The following ACACB variants were observed in gnomAD, a reference collection of about 807,000 sequenced individuals.
ACACB encodes acetyl-CoA carboxylase 2.
ACACB carries 209 observed loss-of-function variants against 278.8 expected under a neutral mutation model. That is an observed-to-expected ratio of 0.75 (90% CI 0.67 to 0.84). The LOEUF is 0.84. Among genes scored for constraint, ACACB ranks in the 40% least tolerant of loss-of-function variants. The probability of loss-of-function intolerance (pLI) is 0.00; values close to 1 mark genes in which losing one functional copy is unlikely to be tolerated. For synonymous variants in ACACB, 1,174 were observed against 1,285.6 expected, an observed-to-expected ratio of 0.91 and a Z score of 1.86; for missense variants, 2,850 against 3,269.0, an observed-to-expected ratio of 0.87 and a Z score of 3.13.
chr12:109,144,904 GGCACAT>G (rs1402444121), intron 2 of ACACB, among the ~76,000 whole-genome samples: 1 of 151,824 alleles, frequency 6.6e-6, no homozygotes, highest in Non-Finnish European at 1.5e-5. Flanking sequence ...TGGGACTACA[GGCACAT>G]GCCACCATGC....
intron 2 of ACACB, among the ~76,000 whole-genome samples, chr12:109,147,391 C>CTTTTTTTTTT (rs34959945): frequency 1.3e-4 from 15 of 116,198 alleles, no homozygotes; most frequent in East Asian, 2.7e-4. Flanking sequence ...TGTCTGGCTA[C>CTTTTTTTTTT]TTTTTTTTTT....
chr12:109,205,963 A>G lies in ACACB; in HGVS notation c.2914-747A>G, dbSNP rs377298400. Among the ~76,000 whole-genome samples, 5 of 151,934 alleles carry G rather than the reference A, an allele frequency of 3.3e-5. No individual in the cohort carries two copies. In the East Asian group the frequency reaches 7.7e-4, roughly 23 times the overall value. Reference sequence around the variant, plus strand: ...TGTGTTGCCCTCTAGGGAGCTTTTTATTTTTCCATGTGTTTACCTAAGACT... The same window carrying G: ...TGTGTTGCCCTCTAGGGAGCTTTTTGTTTTTCCATGTGTTTACCTAAGACT... On this transcript the variant is annotated intron_variant, in intron 19 of 52. Transcript: ENST00000338432.
chr12:109,251,800 C>T (rs2047102198), intron 41 of ACACB, among the ~76,000 whole-genome samples: 1 of 152,194 alleles, frequency 6.6e-6, no homozygotes, highest in South Asian at 2.1e-4. Context: ...CTGAAACATT[C>T]ACTGTCTGCT....
chr12:109,252,881 A>G (rs1034733809), intron 42 of ACACB, 134 bp from the exon 43 acceptor site: 4 of 825,258 alleles, frequency 4.8e-6, no homozygotes, highest in South Asian at 7.7e-5. Context: ...ATGTAGCCTG[A>G]GCATCAGGAT....
intron 27 of ACACB, among the ~76,000 whole-genome samples, chr12:109,224,463 GTCT>G (rs1357055218): frequency 6.6e-6 from 1 of 151,692 alleles, no homozygotes; most frequent in Admixed American, 6.6e-5. Flanking sequence ...AAGAATTCAG[GTCT>G]TCTTGAATTC....
chr12:109,239,790 AC>A (rs1269506614), intron 34 of ACACB, 39 bp from the exon 35 acceptor site: 1 of 1,561,098 alleles, frequency 6.4e-7, no homozygotes, highest in Non-Finnish European at 8.7e-7. Flanking sequence ...GTAGGCCTGC[AC>A]CCCTGGCCTG....
intron 2 of ACACB, among the ~76,000 whole-genome samples, chr12:109,157,791 A>T (rs983223999): frequency 6.6e-6 from 1 of 152,218 alleles, no homozygotes; most frequent in African/African-American, 2.4e-5. Flanking sequence ...CTGATTTTTC[A>T]TGGCATGAGA....
chr12:109,178,786 G>A (rs1346843556), intron 9 of ACACB, among the ~76,000 whole-genome samples: 1 of 152,164 alleles, frequency 6.6e-6, no homozygotes, highest in African/African-American at 2.4e-5. Context: ...GCTGGAGGAG[G>A]GGCTGTGAGG....
chr12:109,194,911 TG>T (rs2045060125), intron 16 of ACACB, among the ~76,000 whole-genome samples: 1 of 152,140 alleles, frequency 6.6e-6, no homozygotes. Flanking sequence ...GCTCTGAGGC[TG>T]GTTTTGTTCT....
intron 21 of ACACB, among the ~76,000 whole-genome samples, chr12:109,210,637 G>A (rs183893049): frequency 6.6e-5 from 10 of 150,584 alleles, no homozygotes; most frequent in African/African-American, 2.2e-4. Context: ...TACTGAGGTC[G>A]GGTGCATTGG....
intron 1 of ACACB, among the ~76,000 whole-genome samples, chr12:109,137,941 C>A (rs948736529): frequency 6.6e-6 from 1 of 151,786 alleles, no homozygotes; most frequent in Middle Eastern, 3.4e-3. Flanking sequence ...CTCTGTTGCC[C>A]GGGCTGGAAT....
At chr12:109,232,112 C>T (rs971968033) in intron 28 of ACACB, among the ~76,000 whole-genome samples, 3 of 152,218 alleles carry the variant, frequency 2.0e-5, no homozygotes, top group African/African-American at 7.2e-5. Flanking sequence ...TTACCCCTCC[C>T]GTATCTGATT....
At chr12:109,194,120 C>G (rs1223510769) in intron 16 of ACACB, among the ~76,000 whole-genome samples, 1 of 152,156 alleles carries the variant, frequency 6.6e-6, no homozygotes, top group Non-Finnish European at 1.5e-5. Context: ...GCTTCTGGTG[C>G]TGCTGGCAGT....
chr12:109,125,327 A>C (rs2042653185), intron 1 of ACACB: 1 of 152,206 alleles, frequency 6.6e-6, no homozygotes, highest in Admixed American at 6.5e-5. Flanking sequence ...TTCAGGCAAG[A>C]AGATATCTCA....
At chr12:109,142,253 TA>T (rs1025849602) in intron 2 of ACACB, among the ~76,000 whole-genome samples, 4 of 151,616 alleles carry the variant, frequency 2.6e-5, no homozygotes, top group Non-Finnish European at 5.9e-5. Flanking sequence ...TGTCTCAAAA[TA>T]AAAAAACAAA....
At chr12:109,194,696 G>A (rs1297250205) in intron 16 of ACACB, among the ~76,000 whole-genome samples, 1 of 151,158 alleles carries the variant, frequency 6.6e-6, no homozygotes, top group Non-Finnish European at 1.5e-5. Flanking sequence ...TCTCTTGTAA[G>A]AACACCAGTC....
chr12:109,194,153 G>T lies in ACACB; in HGVS notation c.2481+424G>T, dbSNP rs1388701742. Among the ~76,000 whole-genome samples the T allele has an allele frequency of 5.9e-5, 9 of 152,166 alleles. No individual in the cohort carries two copies. In the East Asian group the frequency reaches 1.7e-3, roughly 29 times the overall value. On this transcript the variant is annotated intron_variant, in intron 16 of 52. Transcript: ENST00000338432. Reference sequence around the variant, plus strand: ...AGTCCCTGGTGATTTTTGGCTTGTGGATGCCTTGCCCCAGTCTCTGTCTCT... The same window carrying T: ...AGTCCCTGGTGATTTTTGGCTTGTGTATGCCTTGCCCCAGTCTCTGTCTCT...
chr12:109,214,112 A>T (rs866179057), intron 22 of ACACB, among the ~76,000 whole-genome samples: 17 of 151,852 alleles, frequency 1.1e-4, no homozygotes, highest in African/African-American at 4.1e-4. Flanking sequence ...GAAAAAAAAA[A>T]TGAGTCGGGG....
intron 1 of ACACB, among the ~76,000 whole-genome samples, chr12:109,117,631 C>T (rs2042438551): frequency 6.6e-6 from 1 of 152,144 alleles, no homozygotes; most frequent in South Asian, 2.1e-4. Flanking sequence ...TCACACTGTA[C>T]ACAACTCTCT....
Sources: gnomAD v4.1 joint callset for allele counts (sites outside exome capture counted in the v4.1 genomes callset) on GRCh38, gnomAD v4.1.1 for gene constraint, MANE v1.5 for transcripts, NCBI Gene and HGNC (gene_info 2026-07-23, HGNC 2026-07-21) for gene names.